Variants in CCDC7 observed in about 807,000 individuals in gnomAD.
The protein encoded by CCDC7 is coiled-coil domain containing 7, also known as coiled-coil domain-containing protein 7.
Under a neutral mutation model 196.9 loss-of-function variants are expected in CCDC7, and 183 were observed. The ratio of observed to expected loss-of-function variants is 0.93; its 90% CI spans 0.82 to 1.05. The LOEUF is 1.05. Ranked by LOEUF, CCDC7 falls within the 50% of genes least tolerant of loss-of-function variation. CCDC7 has a pLI of 0.00. For missense variants in CCDC7, 1,540 were observed against 1,482.2 expected (o/e 1.04, Z -0.64); for synonymous variants, 525 against 484.6 (o/e 1.08, Z -1.10).
At chr10:32,597,552 G>A (rs985214184) in intron 18 of CCDC7, among the ~76,000 whole-genome samples, 1 of 152,176 alleles carries the variant, frequency 6.6e-6, no homozygotes, top group Non-Finnish European at 1.5e-5. Context: ...ATCCAGCTTT[G>A]TTCGGTTGCT....
intron 18 of CCDC7, among the ~76,000 whole-genome samples, chr10:32,617,484 G>C (rs917683586): frequency 6.6e-6 from 1 of 151,236 alleles, no homozygotes; most frequent in East Asian, 1.9e-4. Context: ...GGTATGTTGT[G>C]TTTTCATTTT....
At chr10:32,643,504 T>C (rs193062634) in intron 20 of CCDC7, among the ~76,000 whole-genome samples, 8 of 152,160 alleles carry the variant, frequency 5.3e-5, no homozygotes, top group South Asian at 4.2e-4. Flanking sequence ...TAATTTAAAA[T>C]TATTGTAATT....
rs142427233 is a variant in CCDC7 at position 32,780,231 on chromosome 10, G to A, written c.3013+1147G>A. On this transcript the variant is annotated intron_variant, in intron 29 of 41. Transcript: ENST00000639629. ...CAGCCTGGCTACAGAGCAAGACACCGTCAAACAAACAAAAAAACCCAGAAT... is the reference window on the plus strand; with the variant it reads ...CAGCCTGGCTACAGAGCAAGACACCATCAAACAAACAAAAAAACCCAGAAT... 4.2e-4 allele frequency among the ~76,000 whole-genome samples: 64 copies of A among 152,110 alleles called. 1 individual carries two copies. The East Asian group carries it at 0.012, about 28-fold the overall frequency.
chr10:32,877,604 C>G (rs148835895), downstream of CCDC7, among the ~76,000 whole-genome samples: 395 of 152,230 alleles, frequency 2.6e-3, 1 homozygote, highest in African/African-American at 9.2e-3. Context: ...AATGCCAGCT[C>G]TATCTTAATT....
chr10:32,650,444 T>C (rs1338596469), intron 20 of CCDC7, among the ~76,000 whole-genome samples: 2 of 152,224 alleles, frequency 1.3e-5, no homozygotes, highest in Non-Finnish European at 2.9e-5. Context: ...GGCTTGCCCA[T>C]GAGCCTTGGG....
chr10:32,758,041 C>G (rs572332024), intron 28 of CCDC7, among the ~76,000 whole-genome samples: 31 of 152,230 alleles, frequency 2.0e-4, no homozygotes, highest in Non-Finnish European at 3.8e-4. Context: ...CCGCCCAAGA[C>G]TAAACCAGGA....
chr10:32,812,411 A>G (rs185771907), intron 30 of CCDC7, among the ~76,000 whole-genome samples: 10 of 152,202 alleles, frequency 6.6e-5, no homozygotes, highest in South Asian at 2.1e-4. Context: ...AACTATAACC[A>G]TGTCTTTATT....
At chr10:32,854,840 C>G (rs1440602464) in intron 41 of CCDC7, among the ~76,000 whole-genome samples, 2 of 152,112 alleles carry the variant, frequency 1.3e-5, no homozygotes, top group Non-Finnish European at 2.9e-5. Context: ...AACATTTTAT[C>G]ATCGTTTTTT....
chr10:32,682,930 CCTATT>C (rs1248499443), intron 21 of CCDC7, among the ~76,000 whole-genome samples: 33 of 152,002 alleles, frequency 2.2e-4, no homozygotes, highest in African/African-American at 6.5e-4. Flanking sequence ...AATATTTTCT[CCTATT>C]CTGTAGGTTG....
chr10:32,664,632 G>T (rs1591316705), intron 21 of CCDC7, among the ~76,000 whole-genome samples: 1 of 151,968 alleles, frequency 6.6e-6, no homozygotes, highest in East Asian at 1.9e-4. Context: ...TTAACATTAT[G>T]TTCTCCACAT....
intron 32 of CCDC7, among the ~76,000 whole-genome samples, chr10:32,832,553 AT>A (rs2092287636): frequency 6.6e-6 from 1 of 152,132 alleles, no homozygotes; most frequent in Admixed American, 6.6e-5. Context: ...CAAGAAAAAA[AT>A]ATCAACCAAT....
intron 5 of CCDC7, among the ~76,000 whole-genome samples, chr10:32,468,253 T>C (rs2133844662): frequency 6.6e-6 from 1 of 152,338 alleles, no homozygotes; most frequent in Middle Eastern, 3.4e-3. Flanking sequence ...GTGTCATTTC[T>C]GATTTCTTTG....
chr10:32,679,263 G>A (rs146581045), intron 21 of CCDC7, among the ~76,000 whole-genome samples: 3 of 152,194 alleles, frequency 2.0e-5, no homozygotes, highest in East Asian at 3.9e-4. Flanking sequence ...TTCTGAAAAT[G>A]ACAGGTTCAA....
chr10:32,600,448 G>C (rs888231065), intron 18 of CCDC7, among the ~76,000 whole-genome samples: 2 of 152,002 alleles, frequency 1.3e-5, no homozygotes, highest in Non-Finnish European at 2.9e-5. Flanking sequence ...TCAAATATAG[G>C]AGTCTTTTTG....
intron 30 of CCDC7, among the ~76,000 whole-genome samples, chr10:32,809,975 A>T (rs1383980149): frequency 6.6e-5 from 10 of 152,200 alleles, no homozygotes; most frequent in Non-Finnish European, 8.8e-5. Context: ...CTGGGAACGA[A>T]CTCAAATGTC....
chr10:32,589,646 G>T (rs866609846), intron 18 of CCDC7, among the ~76,000 whole-genome samples: 1 of 152,060 alleles, frequency 6.6e-6, no homozygotes, highest in East Asian at 1.9e-4. Context: ...TGAAAGTGGG[G>T]TGTTGAAGTC....
intron 23 of CCDC7, 58 bp downstream of exon 24, chr10:32,689,221 T>C: frequency 8.6e-7 from 1 of 1,157,616 alleles, no homozygotes; most frequent in Non-Finnish European, 1.2e-6. Flanking sequence ...CATCCGAAGG[T>C]ATTTTTGCTT....
At chr10:32,872,912 T>A (rs908433822) in intron 41 of CCDC7, among the ~76,000 whole-genome samples, 24 of 152,204 alleles carry the variant, frequency 1.6e-4, no homozygotes, top group Non-Finnish European at 2.4e-4. Flanking sequence ...AGATCGGCTG[T>A]TAGTCTGATG....
chr10:32,608,178 A>C (rs950937980), intron 18 of CCDC7, among the ~76,000 whole-genome samples: 1 of 151,752 alleles, frequency 6.6e-6, no homozygotes, highest in Non-Finnish European at 1.5e-5. Flanking sequence ...TTCTGATTTC[A>C]TTTGGGTCTT....
Sources: gnomAD v4.1 joint callset for allele counts (sites outside exome capture counted in the v4.1 genomes callset) on GRCh38, gnomAD v4.1.1 for gene constraint, MANE v1.5 for transcripts, NCBI Gene and HGNC (gene_info 2026-07-23, HGNC 2026-07-21) for gene names.